DOCK2: variants seen among roughly 807,000 people sequenced by gnomAD.
DOCK2 encodes the protein dedicator of cytokinesis 2.
Under a neutral mutation model 248.9 loss-of-function variants are expected in DOCK2, and 87 were observed. The ratio of observed to expected loss-of-function variants is 0.35; its 90% CI spans 0.29 to 0.42. The LOEUF (loss-of-function observed/expected upper bound fraction) is 0.42, where lower values mean the gene tolerates loss of function less well. Ranked by LOEUF, DOCK2 falls within the 10% of genes least tolerant of loss-of-function variation. DOCK2 has a pLI of 1.00. For synonymous variants in DOCK2, 805 were observed against 821.6 expected, an observed-to-expected ratio of 0.98 and a Z score of 0.35; for missense variants, 1,747 against 2,300.2, an observed-to-expected ratio of 0.76 and a Z score of 4.92.
chr5:169,859,079 C>T (rs1771038189), intron 27 of DOCK2, among the ~76,000 whole-genome samples: 1 of 152,112 alleles, frequency 6.6e-6, no homozygotes, highest in East Asian at 1.9e-4. Flanking sequence ...TGGGGAGGTT[C>T]CTGCAGAGGC....
At position 169,677,269 on chromosome 5, in the gene DOCK2, A is replaced by G. The variant is rs551947680; in HGVS notation, c.470+2824A>G. 3.3e-4 allele frequency among the ~76,000 whole-genome samples: 51 copies of G among 152,240 alleles called. 2 individuals carry two copies. The South Asian group carries it at 9.7e-3, about 29-fold the overall frequency. On this transcript the variant is annotated intron_variant, in intron 6 of 51. Transcript: ENST00000520908. ...TAGGAGCTATCAGGCAAATTATCAG[A>G]CCCTTCCTAACTCTGATTTACATCC...
At chr5:169,719,573 A>G (rs1383538585) in intron 22 of DOCK2, among the ~76,000 whole-genome samples, 1 of 152,194 alleles carries the variant, frequency 6.6e-6, no homozygotes, top group African/African-American at 2.4e-5. Flanking sequence ...AGTCGGCCTC[A>G]GGCATGGCTG....
At chr5:169,990,106 CT>C (rs1561869721) in intron 29 of DOCK2, among the ~76,000 whole-genome samples, 1 of 150,222 alleles carries the variant, frequency 6.7e-6, no homozygotes, top group Non-Finnish European at 1.5e-5. Flanking sequence ...TTTTCTTCTT[CT>C]TTTTCTTTTG....
At chr5:169,920,452 G>GT (rs1300547395) in intron 27 of DOCK2, among the ~76,000 whole-genome samples, 1 of 152,100 alleles carries the variant, frequency 6.6e-6, no homozygotes. Flanking sequence ...TTGTAAGGTG[G>GT]TTTTTTTCCC....
At chr5:170,028,026 C>T in intron 34 of DOCK2, 78 bp downstream of exon 34, 3 of 1,345,858 alleles carry the variant, frequency 2.2e-6, no homozygotes, top group South Asian at 1.5e-5. Context: ...CCAGGGGGCT[C>T]CGAGTGGCTC....
At position 169,865,626 on chromosome 5, in the gene DOCK2, G is replaced by A. The variant is rs58344864; in HGVS notation, c.2799+24774G>A. On this transcript the variant is annotated intron_variant, in intron 27 of 51. Coordinates refer to ENST00000520908, the MANE Select transcript of DOCK2 (RefSeq NM_004946.3). ...AGAAAGCTCTTAAGCTTTTTGATGT[G>A]TTTGTTACCTGGTTTCATACCAGGG... Among the ~76,000 whole-genome samples the A allele has an allele frequency of 5.4e-4, 82 of 152,338 alleles. No homozygotes were observed. In the East Asian group the frequency reaches 0.015, roughly 28 times the overall value.
At chr5:169,710,606 G>T (rs1480418305) in intron 15 of DOCK2, among the ~76,000 whole-genome samples, 1 of 152,198 alleles carries the variant, frequency 6.6e-6, no homozygotes, top group African/African-American at 2.4e-5. Context: ...CATAGCTTCA[G>T]ATATCTCTGC....
intron 14 of DOCK2, among the ~76,000 whole-genome samples, chr5:169,702,907 C>A (rs923751933): frequency 2.0e-5 from 3 of 152,090 alleles, no homozygotes; most frequent in Non-Finnish European, 4.4e-5. Flanking sequence ...CAGCGCTCAG[C>A]CAGAAATGCT....
chr5:169,815,687 A>G (rs1350618161), intron 26 of DOCK2, among the ~76,000 whole-genome samples: 2 of 152,168 alleles, frequency 1.3e-5, no homozygotes, highest in South Asian at 4.1e-4. Context: ...AATTTTCTTG[A>G]TTACTGAGTT....
At chr5:169,714,243 G>A (rs766923141) in intron 18 of DOCK2, 32 bp downstream of exon 18, 1 of 1,600,436 alleles carries the variant, frequency 6.2e-7, no homozygotes, top group South Asian at 1.1e-5. Flanking sequence ...GTGTCTGTGG[G>A]GAGTGTGTGT....
chr5:169,971,388 A>G (rs1272902651), intron 27 of DOCK2, among the ~76,000 whole-genome samples: 1 of 150,096 alleles, frequency 6.7e-6, no homozygotes, highest in Non-Finnish European at 1.5e-5. Context: ...GAGCCCTAGG[A>G]ATGGACTTCC....
intron 27 of DOCK2, among the ~76,000 whole-genome samples, chr5:169,891,026 C>T (rs1205466725): frequency 3.9e-5 from 6 of 152,336 alleles, no homozygotes; most frequent in Non-Finnish European, 5.9e-5. Flanking sequence ...GGGCCACAAC[C>T]TTGAACACAA....
At chr5:169,646,734 A>G (rs1206301800) in intron 1 of DOCK2, among the ~76,000 whole-genome samples, 3 of 152,246 alleles carry the variant, frequency 2.0e-5, no homozygotes, top group African/African-American at 4.8e-5. Context: ...AATGTCGCCA[A>G]AACTCATTCA....
chr5:169,835,650 A>G (rs1769528260), intron 26 of DOCK2, among the ~76,000 whole-genome samples: 1 of 152,214 alleles, frequency 6.6e-6, no homozygotes, highest in Non-Finnish European at 1.5e-5. Flanking sequence ...TATTGGCATC[A>G]TGTTCATAAA....
chr5:169,940,339 C>T (rs1392424641), intron 27 of DOCK2, among the ~76,000 whole-genome samples: 1 of 152,176 alleles, frequency 6.6e-6, no homozygotes, highest in East Asian at 1.9e-4. Context: ...TTGTTTTTCA[C>T]ACCTTGAGTA....
At chr5:169,932,860 C>T (rs1034315184) in intron 27 of DOCK2, among the ~76,000 whole-genome samples, 9 of 149,770 alleles carry the variant, frequency 6.0e-5, no homozygotes, top group African/African-American at 2.2e-4. Context: ...TTTCCCAGGG[C>T]CAAATAAAAA....
chr5:169,975,831 G>A (rs1777698670), intron 27 of DOCK2, among the ~76,000 whole-genome samples: 1 of 152,178 alleles, frequency 6.6e-6, no homozygotes. Flanking sequence ...TAAGAACAAA[G>A]CCTTTGGTAA....
At chr5:169,969,248 C>T (rs1018619828) in intron 27 of DOCK2, among the ~76,000 whole-genome samples, 8 of 152,042 alleles carry the variant, frequency 5.3e-5, no homozygotes, top group African/African-American at 1.9e-4. Context: ...AGCTCAAGAA[C>T]AGCTTGGCCA....
chr5:169,838,634 G>T (rs1024841783), intron 26 of DOCK2, among the ~76,000 whole-genome samples: 1 of 152,212 alleles, frequency 6.6e-6, no homozygotes, highest in African/African-American at 2.4e-5. Context: ...TGAGTGTCAG[G>T]AGTAGAAAGG....
Sources: gnomAD v4.1 joint callset for allele counts (sites outside exome capture counted in the v4.1 genomes callset) on GRCh38, gnomAD v4.1.1 for gene constraint, MANE v1.5 for transcripts, NCBI Gene and HGNC (gene_info 2026-07-23, HGNC 2026-07-21) for gene names.